The following AGR3 variants were observed in gnomAD, a reference collection of about 807,000 sequenced individuals.
AGR3 encodes the protein anterior gradient 3, protein disulphide isomerase family member.
In AGR3, 37 loss-of-function variants were observed where a neutral mutation model predicts 24.5. The observed-to-expected ratio is 1.51, with a 90% CI of 1.16 to 1.99. AGR3 has a LOEUF of 1.99. AGR3 is among the 30% of genes most tolerant of loss of function. The probability of loss-of-function intolerance (pLI) is 0.00; values close to 1 mark genes in which losing one functional copy is unlikely to be tolerated. For synonymous variants in AGR3, 75 were observed against 61.6 expected (o/e 1.22, Z -1.02); for missense variants, 228 against 191.1 (o/e 1.19, Z -1.14).
chr7:16,881,308 T>C (rs894596255), intron 1 of AGR3, among the ~76,000 whole-genome samples: 1 of 152,220 alleles, frequency 6.6e-6, no homozygotes, highest in African/African-American at 2.4e-5. Flanking sequence ...TGGTTTTACA[T>C]TGATAAATTA....
intron 3 of AGR3, 63 bp downstream of exon 3, chr7:16,873,717 A>T: frequency 8.0e-7 from 1 of 1,256,166 alleles, no homozygotes; most frequent in Non-Finnish European, 1.2e-6. Context: ...TTCCATAAAT[A>T]TGTACAATTA....
At position 16,878,658 on chromosome 7, in the gene AGR3, A is replaced by G; in HGVS notation, c.-27-13T>C. 2 of 1,548,528 alleles carry G rather than the reference A, an allele frequency of 1.3e-6. No individual in the cohort carries two copies. Among genetic ancestry groups the G allele is most frequent in the African/African-American group, 1.4e-5 (1 of 73,442 alleles). ...CTCTCAGAAGAAGCTAGATGACAGA[A>G]AGGAATTCTCAGAATCCAGTGAATT... On this transcript the variant is annotated splice_polypyrimidine_tract_variant and intron_variant, in intron 1 of 7. Transcript: ENST00000310398.
At chr7:16,881,070 G>A (rs1012956748) in intron 1 of AGR3, among the ~76,000 whole-genome samples, 1 of 152,148 alleles carries the variant, frequency 6.6e-6, no homozygotes, top group Non-Finnish European at 1.5e-5. Flanking sequence ...GAAGAGTTAA[G>A]AAAAGTCAAT....
chr7:16,878,975 A>T (rs542450709), intron 1 of AGR3, among the ~76,000 whole-genome samples: 2 of 152,186 alleles, frequency 1.3e-5, no homozygotes, highest in African/African-American at 2.4e-5. Flanking sequence ...CTCAAATAAG[A>T]TCATGTTGTT....
chr7:16,873,937 TTAAC>T, intron 2 of AGR3, 94 bp from the exon 3 acceptor site: 1 of 961,090 alleles, frequency 1.0e-6, no homozygotes, highest in Non-Finnish European at 1.6e-6. Context: ...CTACAGATAT[TTAAC>T]TAAGCCATCA....
chr7:16,878,676 A>G (rs1019960657), intron 1 of AGR3, 31 bp from the exon 2 acceptor site: 15 of 1,419,656 alleles, frequency 1.1e-5, no homozygotes, highest in African/African-American at 9.9e-5. Flanking sequence ...CTCAGAATCC[A>G]GTGAATTACT....
At chr7:16,855,471 A>T (rs1232395929), downstream of AGR3, among the ~76,000 whole-genome samples, 1 of 152,134 alleles carries the variant, frequency 6.6e-6, no homozygotes, top group Non-Finnish European at 1.5e-5. Context: ...ATACCAGGGG[A>T]GCCAAGTGTT....
rs1782044719 is a variant in AGR3 at position 16,878,729 on chromosome 7, A to G, written c.-27-84T>C. ...GATATTTGCTAAGAGTTGGACCAAT[A>G]CTGTGATGACAGACTGTTCAGCTTT... On this transcript the variant is annotated intron_variant, in intron 1 of 7. Transcript: ENST00000310398. The G allele has an allele frequency of 2.9e-5, 29 of 986,616 alleles. No homozygotes were observed. The South Asian group carries it at 4.4e-4, about 15-fold the overall frequency. 61.1% of individuals were successfully genotyped at this position (986,616 alleles called of 1,614,324 possible). A position where few individuals can be genotyped will look rare whatever the true frequency, so the allele number is the denominator to read the frequency against.
In AGR3 at chr7:16,861,916, A is replaced by AG. The variant is rs1781655449; in HGVS notation, c.303+67_303+68insC. The AG allele has an allele frequency of 3.0e-6, 4 of 1,322,730 alleles. No individual in the cohort carries two copies. The East Asian group carries it at 7.1e-5, about 23-fold the overall frequency. The allele number at this position is 1,322,730 out of a possible 1,614,324, so 81.9% of individuals were successfully genotyped here. ...ACTCTGTCTAAAAAAAAAAAAAAAA[A>AG]AGAAAAAAACGGATTCAAAATTTCC... On this transcript the variant is annotated intron_variant, in intron 5 of 7. Coordinates refer to ENST00000310398, the MANE Select transcript of AGR3 (RefSeq NM_176813.5).
At chr7:16,864,588 A>G (rs1781714685) in intron 3 of AGR3, 2 of 1,483,608 alleles carry the variant, frequency 1.3e-6, no homozygotes, top group South Asian at 2.3e-5. Context: ...TCTGAGCTTG[A>G]TTTCTCATTG....
chr7:16,880,990 C>T (rs1250058626), intron 1 of AGR3, among the ~76,000 whole-genome samples: 4 of 152,120 alleles, frequency 2.6e-5, no homozygotes, highest in African/African-American at 9.7e-5. Flanking sequence ...TTTTATCTGC[C>T]TCTGTTCCTT....
intron 1 of AGR3, 32 bp from the exon 2 acceptor site, chr7:16,878,677 G>A (rs1315731486): frequency 7.1e-7 from 1 of 1,415,200 alleles, no homozygotes; most frequent in African/African-American, 1.4e-5. Context: ...TCAGAATCCA[G>A]TGAATTACTT....
Position 16,859,459 on chromosome 7 carries a change from A to T in AGR3, c.*123T>A, listed in dbSNP as rs1291451390. The T allele has an allele frequency of 7.5e-6, 5 of 665,274 alleles. No homozygotes were observed. The highest frequency in any genetic ancestry group is 3.0e-5 in the Admixed American group (1 of 33,568). 41.2% of individuals were successfully genotyped at this position (665,274 alleles called of 1,614,324 possible). A position where few individuals can be genotyped will look rare whatever the true frequency, so the allele number is the denominator to read the frequency against. ...TTAATAAGACTATTGCAAACACATTAAAAAAACTAAATAGTAATATTACAA... is the reference window on the plus strand; with the variant it reads ...TTAATAAGACTATTGCAAACACATTTAAAAAACTAAATAGTAATATTACAA... On this transcript the variant is annotated 3_prime_UTR_variant, in exon 8 of 8. Transcript: ENST00000310398.
At chr7:16,859,867 T>G (rs1412450427) in intron 7 of AGR3, among the ~76,000 whole-genome samples, 1 of 152,076 alleles carries the variant, frequency 6.6e-6, no homozygotes, top group African/African-American at 2.4e-5. Flanking sequence ...TTTTGAGGAG[T>G]ACCTCTTTTT....
intron 3 of AGR3, chr7:16,864,678 T>G: frequency 6.3e-7 from 1 of 1,585,360 alleles, no homozygotes; most frequent in Admixed American, 1.7e-5. Context: ...GAAAAAGTGC[T>G]TTTGCTGCCA....
intron 2 of AGR3, among the ~76,000 whole-genome samples, chr7:16,877,866 A>AAG: frequency 7.0e-6 from 1 of 143,840 alleles, no homozygotes; most frequent in South Asian, 2.2e-4. Flanking sequence ...CCGTCTCAAA[A>AAG]AAAAAAAAAA....
intron 3 of AGR3, among the ~76,000 whole-genome samples, chr7:16,871,339 C>T (rs12672303): frequency 0.25 from 37,869 of 152,090 alleles, 5,808 homozygotes; most frequent in Non-Finnish European, 0.34. Context: ...CTATTAGTCC[C>T]TTTGGCATAC....
intron 3 of AGR3, among the ~76,000 whole-genome samples, chr7:16,871,819 T>C (rs6969588): frequency 0.99 from 151,232 of 152,234 alleles, 75,124 homozygotes; most frequent in Middle Eastern, 1. Flanking sequence ...TCCAGCCTGG[T>C]GACAGAGCAA....
intron 2 of AGR3, among the ~76,000 whole-genome samples, chr7:16,874,245 T>C (rs1001465322): frequency 6.6e-6 from 1 of 152,166 alleles, no homozygotes; most frequent in African/African-American, 2.4e-5. Context: ...AATGCCCTCC[T>C]ATTTTGGGTC....
Sources: allele counts gnomAD v4.1 joint callset (sites outside exome capture counted in the v4.1 genomes callset), GRCh38; gene constraint gnomAD v4.1.1; transcripts MANE v1.5; gene names NCBI Gene and HGNC (gene_info 2026-07-23, HGNC 2026-07-21).